FSTL5: variants seen among roughly 807,000 people sequenced by gnomAD.
The protein encoded by FSTL5 is follistatin like 5, also known as follistatin-related protein 5.
FSTL5 carries 62 observed loss-of-function variants against 89.1 expected under a neutral mutation model. The observed-to-expected ratio is 0.70, with a 90% confidence interval of 0.57 to 0.86. FSTL5 has a LOEUF of 0.86. Ranked by LOEUF, FSTL5 falls within the 40% of genes least tolerant of loss-of-function variation. FSTL5 has a pLI of 0.00. For synonymous variants in FSTL5, 383 were observed against 346.2 expected (o/e 1.11, Z -1.18); for missense variants, 1,057 against 1,001.6 (o/e 1.06, Z -0.75).
At chr4:161,462,207 A>G (rs1031478780) in intron 13 of FSTL5, among the ~76,000 whole-genome samples, 1 of 152,184 alleles carries the variant, frequency 6.6e-6, no homozygotes, top group Non-Finnish European at 1.5e-5. Flanking sequence ...CTGGGATCTG[A>G]TAGTCTGTGT....
intron 15 of FSTL5, among the ~76,000 whole-genome samples, chr4:161,395,153 A>G (rs1730954402): frequency 6.6e-6 from 1 of 152,144 alleles, no homozygotes; most frequent in Non-Finnish European, 1.5e-5. Context: ...ATACAATAGT[A>G]ACCAATAGAA....
intron 3 of FSTL5, among the ~76,000 whole-genome samples, chr4:161,934,041 G>A (rs893371931): frequency 3.3e-5 from 5 of 151,754 alleles, no homozygotes; most frequent in African/African-American, 4.8e-5. Flanking sequence ...TCATTTGATG[G>A]GAAGACCTCA....
At chr4:161,672,857 C>T (rs1737167719) in intron 6 of FSTL5, among the ~76,000 whole-genome samples, 1 of 151,854 alleles carries the variant, frequency 6.6e-6, no homozygotes, top group Non-Finnish European at 1.5e-5. Context: ...AGGAATACAT[C>T]TTTTCTACAA....
chr4:161,385,598 A>G lies in FSTL5; in HGVS notation c.*149T>C, dbSNP rs1223434177. 5.0e-6 allele frequency: 3 copies of G among 596,114 alleles called. No individual in the cohort carries two copies. The highest frequency in any genetic ancestry group is 8.8e-6 in the Non-Finnish European group (3 of 340,488). 36.9% of individuals were successfully genotyped at this position (596,114 alleles called of 1,614,324 possible). On this transcript the variant is annotated 3_prime_UTR_variant, in exon 16 of 16. Coordinates refer to ENST00000306100, the MANE Select transcript of FSTL5 (RefSeq NM_020116.5). ...TTAATTGTGTATGTCTTAGTCACTT[A>G]GTCAAAAACAATTTATTTTATTTGG...
chr4:161,903,995 G>GA (rs971049381), intron 4 of FSTL5, among the ~76,000 whole-genome samples: 1 of 150,748 alleles, frequency 6.6e-6, no homozygotes, highest in African/African-American at 2.4e-5. Context: ...TATCTAGTGA[G>GA]AAAAAAAATT....
intron 4 of FSTL5, among the ~76,000 whole-genome samples, chr4:161,821,253 G>T (rs1381203321): frequency 6.6e-6 from 1 of 151,998 alleles, no homozygotes; most frequent in East Asian, 1.9e-4. Context: ...ACCCAGACTG[G>T]TCTTGAATTC....
At chr4:161,520,163 A>G (rs1487929323) in intron 10 of FSTL5, among the ~76,000 whole-genome samples, 1 of 152,006 alleles carries the variant, frequency 6.6e-6, no homozygotes. Flanking sequence ...ATTAATTAGC[A>G]TATGTTCAAG....
intron 4 of FSTL5, among the ~76,000 whole-genome samples, chr4:161,855,246 A>G (rs1731686838): frequency 6.6e-6 from 1 of 152,090 alleles, no homozygotes; most frequent in Non-Finnish European, 1.5e-5. Context: ...ATAGGGCAAT[A>G]CTGCCATAAG....
chr4:161,573,117 A>C (rs917808607), intron 8 of FSTL5, among the ~76,000 whole-genome samples: 2 of 152,166 alleles, frequency 1.3e-5, no homozygotes, highest in African/African-American at 4.8e-5. Flanking sequence ...CTTAAGAAAT[A>C]TCACAAATTT....
At chr4:161,478,286 A>G (rs1729368386) in intron 13 of FSTL5, among the ~76,000 whole-genome samples, 1 of 152,152 alleles carries the variant, frequency 6.6e-6, no homozygotes, top group African/African-American at 2.4e-5. Context: ...AATCATCACT[A>G]ACACCAAATT....
At chr4:161,509,315 T>A in intron 11 of FSTL5, among the ~76,000 whole-genome samples, 1 of 152,022 alleles carries the variant, frequency 6.6e-6, no homozygotes, top group East Asian at 1.9e-4. Context: ...AATAAATAAA[T>A]ATATAAATAA....
chr4:161,630,387 C>A (rs1735465239), intron 7 of FSTL5, among the ~76,000 whole-genome samples: 1 of 152,192 alleles, frequency 6.6e-6, no homozygotes, highest in Admixed American at 6.5e-5. Context: ...TGGCACCTGG[C>A]AGTACAGCTC....
chr4:161,757,403 C>T (rs1000048603), intron 6 of FSTL5, among the ~76,000 whole-genome samples: 7 of 151,562 alleles, frequency 4.6e-5, no homozygotes, highest in African/African-American at 1.7e-4. Flanking sequence ...TATATGTAAA[C>T]ATAAGTTTTT....
chr4:161,636,732 A>T (rs1380157762), intron 7 of FSTL5, among the ~76,000 whole-genome samples: 1 of 148,076 alleles, frequency 6.8e-6, no homozygotes, highest in Non-Finnish European at 1.5e-5. Flanking sequence ...TTGTTCCTGC[A>T]ATAGTTTACT....
intron 4 of FSTL5, among the ~76,000 whole-genome samples, chr4:161,801,657 G>A (rs1039702974): frequency 6.6e-6 from 1 of 150,866 alleles, no homozygotes; most frequent in South Asian, 2.1e-4. Context: ...AAAACTGTAG[G>A]TGAATATTTT....
intron 7 of FSTL5, among the ~76,000 whole-genome samples, chr4:161,608,666 T>G (rs1441227132): frequency 6.6e-6 from 1 of 152,098 alleles, no homozygotes; most frequent in East Asian, 1.9e-4. Context: ...AAATGCAGTA[T>G]AATTTACAAT....
chr4:161,757,160 T>C (rs1457050311), intron 6 of FSTL5, among the ~76,000 whole-genome samples: 1 of 152,186 alleles, frequency 6.6e-6, no homozygotes, highest in South Asian at 2.1e-4. Flanking sequence ...ATTCTTTCTA[T>C]CTACTACCCT....
chr4:161,586,603 C>A (rs1368053034), intron 8 of FSTL5, among the ~76,000 whole-genome samples: 1 of 152,164 alleles, frequency 6.6e-6, no homozygotes, highest in African/African-American at 2.4e-5. Flanking sequence ...CTAAAATAGT[C>A]TTTAAACTAT....
intron 6 of FSTL5, among the ~76,000 whole-genome samples, chr4:161,754,860 T>C (rs1013054428): frequency 6.6e-6 from 1 of 152,170 alleles, no homozygotes; most frequent in East Asian, 1.9e-4. Flanking sequence ...ATGCAAATCA[T>C]ACTTAATGTT....
Sources: allele counts gnomAD v4.1 joint callset (sites outside exome capture counted in the v4.1 genomes callset), GRCh38; gene constraint gnomAD v4.1.1; transcripts MANE v1.5; gene names NCBI Gene and HGNC (gene_info 2026-07-23, HGNC 2026-07-21).